Variants in EEFSEC observed in about 807,000 individuals in gnomAD.
EEFSEC encodes selenocysteine-specific elongation factor.
In EEFSEC, 43 loss-of-function variants were observed where a neutral mutation model predicts 42.1. That is an observed-to-expected ratio of 1.02 (90% CI 0.80 to 1.32). The LOEUF (loss-of-function observed/expected upper bound fraction) is 1.32, where lower values mean the gene tolerates loss of function less well. Ranked by LOEUF, EEFSEC falls within the 40% of genes most tolerant of loss-of-function variation. EEFSEC has a pLI of 0.00. For synonymous variants in EEFSEC, 354 were observed against 339.1 expected (o/e 1.04, Z -0.48); for missense variants, 745 against 803.6 (o/e 0.93, Z 0.88).
At chr3:128,344,346 A>G (rs2067288369) in intron 5 of EEFSEC, among the ~76,000 whole-genome samples, 1 of 152,238 alleles carries the variant, frequency 6.6e-6, no homozygotes, top group African/African-American at 2.4e-5. Flanking sequence ...TCCTATGTAC[A>G]TTTTTCCCCA....
At chr3:128,153,960 G>A in intron 1 of EEFSEC, 137 bp downstream of exon 1, 4 of 1,294,428 alleles carry the variant, frequency 3.1e-6, no homozygotes, top group Non-Finnish European at 4.0e-6. Flanking sequence ...CGCCCCAAGA[G>A]GCGGACGTGA....
At chr3:128,323,610 C>A (rs556402096) in intron 4 of EEFSEC, among the ~76,000 whole-genome samples, 1 of 152,196 alleles carries the variant, frequency 6.6e-6, no homozygotes, top group South Asian at 2.1e-4. Context: ...CATAGCCCCA[C>A]GGGTGTTATT....
the EEFSEC span, among the ~76,000 whole-genome samples, chr3:128,420,448 G>A: frequency 6.6e-6 from 1 of 152,218 alleles, no homozygotes. Context: ...CCCAGGAGAG[G>A]GCACAGCCTG....
chr3:128,241,527 T>C (rs568611681), intron 1 of EEFSEC, among the ~76,000 whole-genome samples: 1 of 152,232 alleles, frequency 6.6e-6, no homozygotes, highest in South Asian at 2.1e-4. Flanking sequence ...TGTATTTTTG[T>C]AGAGACGGGG....
chr3:128,362,329 A>T, intron 6 of EEFSEC: 2 of 472,822 alleles, frequency 4.2e-6, no homozygotes, highest in South Asian at 3.1e-5. Context: ...ACTGGAGAAG[A>T]ATCATGTGAG....
At chr3:128,298,690 G>A (rs569334031) in intron 4 of EEFSEC, among the ~76,000 whole-genome samples, 1 of 152,218 alleles carries the variant, frequency 6.6e-6, no homozygotes, top group South Asian at 2.1e-4. Flanking sequence ...TATTCCTTCT[G>A]TCTAACTCTG....
At chr3:128,210,898 CT>C (rs2065749101) in intron 1 of EEFSEC, among the ~76,000 whole-genome samples, 2 of 152,208 alleles carry the variant, frequency 1.3e-5, no homozygotes, top group Non-Finnish European at 2.9e-5. Flanking sequence ...CCATTTCTGT[CT>C]GCTTTCTAGG....
At chr3:128,315,497 A>G (rs1051309627) in intron 4 of EEFSEC, among the ~76,000 whole-genome samples, 17 of 152,174 alleles carry the variant, frequency 1.1e-4, no homozygotes, top group African/African-American at 3.9e-4. Context: ...AATAAGATGT[A>G]TTGAGCAGAG....
chr3:128,414,261 C>T, the EEFSEC span, among the ~76,000 whole-genome samples: 121 of 152,264 alleles, frequency 7.9e-4, no homozygotes, highest in Non-Finnish European at 1.1e-3. Flanking sequence ...CCCCGGGGCT[C>T]TCTGGAGCTT....
At chr3:128,398,017 G>C (rs2107632033) in intron 6 of EEFSEC, among the ~76,000 whole-genome samples, 1 of 152,392 alleles carries the variant, frequency 6.6e-6, no homozygotes, top group African/African-American at 2.4e-5. Context: ...TGTGGAGGCT[G>C]TCAGCCTGGA....
the EEFSEC span, among the ~76,000 whole-genome samples, chr3:128,423,478 CAATAAATA>C: frequency 3.3e-5 from 5 of 150,420 alleles, no homozygotes; most frequent in African/African-American, 1.2e-4. Context: ...GACCCTGTCT[CAATAAATA>C]AATAAATAAA....
chr3:128,185,313 CTT>C (rs972620369), intron 1 of EEFSEC, among the ~76,000 whole-genome samples: 16 of 152,030 alleles, frequency 1.1e-4, no homozygotes, highest in African/African-American at 2.2e-4. Context: ...CATTTTATAA[CTT>C]AATATTATGA....
At chr3:128,370,466 T>C (rs2067640952) in intron 6 of EEFSEC, among the ~76,000 whole-genome samples, 1 of 152,006 alleles carries the variant, frequency 6.6e-6, no homozygotes, top group African/African-American at 2.4e-5. Flanking sequence ...CCTTGGGAAG[T>C]TACAGTAAAG....
chr3:128,333,641 T>G (rs1576646107), intron 4 of EEFSEC, among the ~76,000 whole-genome samples: 2 of 152,212 alleles, frequency 1.3e-5, no homozygotes, highest in East Asian at 3.8e-4. Context: ...TTCTCCATCT[T>G]CCATATCGGC....
intron 5 of EEFSEC, among the ~76,000 whole-genome samples, chr3:128,344,988 C>T (rs1009206766): frequency 6.6e-6 from 1 of 152,176 alleles, no homozygotes; most frequent in Admixed American, 6.5e-5. Context: ...CCCAGATCAC[C>T]CAGAGATTTT....
chr3:128,423,668 TG>T, the EEFSEC span, among the ~76,000 whole-genome samples: 69 of 152,250 alleles, frequency 4.5e-4, no homozygotes, highest in Admixed American at 1.4e-3. Context: ...TGCCAAGGCC[TG>T]GGGGAGCAGG....
intron 4 of EEFSEC, among the ~76,000 whole-genome samples, chr3:128,303,058 T>C (rs1215957107): frequency 2.0e-5 from 3 of 152,182 alleles, no homozygotes; most frequent in Admixed American, 6.5e-5. Flanking sequence ...TATCCATGGG[T>C]AAATCCTTAA....
intron 4 of EEFSEC, among the ~76,000 whole-genome samples, chr3:128,325,639 T>C (rs1304938620): frequency 6.6e-6 from 1 of 152,234 alleles, no homozygotes; most frequent in Admixed American, 6.5e-5. Context: ...TTTTTGAACC[T>C]TTTCTTCATG....
chr3:128,347,495 T>A (rs1467909646), intron 5 of EEFSEC, among the ~76,000 whole-genome samples: 1 of 152,116 alleles, frequency 6.6e-6, no homozygotes, highest in Admixed American at 6.5e-5. Context: ...GGAAAGAAAC[T>A]ATATGAATGC....
Sources: gnomAD v4.1 joint callset for allele counts (sites outside exome capture counted in the v4.1 genomes callset) on GRCh38, gnomAD v4.1.1 for gene constraint, MANE v1.5 for transcripts, NCBI Gene and HGNC (gene_info 2026-07-23, HGNC 2026-07-21) for gene names.